NPAS3: variants seen among roughly 807,000 people sequenced by gnomAD.
The protein encoded by NPAS3 is neuronal PAS domain protein 3.
Under a neutral mutation model 73.1 loss-of-function variants are expected in NPAS3, and 14 were observed. The observed-to-expected ratio is 0.19, with a 90% CI of 0.13 to 0.30. The LOEUF (loss-of-function observed/expected upper bound fraction) is 0.30, where lower values mean the gene tolerates loss of function less well. Ranked by LOEUF, NPAS3 falls within the 10% of genes least tolerant of loss-of-function variation. The pLI, the probability that NPAS3 is intolerant of heterozygous loss-of-function variation, is 1.00. For synonymous variants in NPAS3, 620 were observed against 541.5 expected, an observed-to-expected ratio of 1.14 and a Z score of -2.01; for missense variants, 1,096 against 1,250.0, an observed-to-expected ratio of 0.88 and a Z score of 1.86.
chr14:33,702,879 A>G (rs1308856006), intron 6 of NPAS3, among the ~76,000 whole-genome samples: 1 of 152,200 alleles, frequency 6.6e-6, no homozygotes, highest in African/African-American at 2.4e-5. Context: ...CTTTGAAAAT[A>G]AGCCCTAGGT....
At chr14:33,418,903 A>T (rs951540941) in intron 4 of NPAS3, among the ~76,000 whole-genome samples, 1 of 151,852 alleles carries the variant, frequency 6.6e-6, no homozygotes, top group Non-Finnish European at 1.5e-5. Context: ...GTTAACAGTT[A>T]TTTTACTACT....
chr14:33,659,610 G>C (rs1334940617), intron 5 of NPAS3, among the ~76,000 whole-genome samples: 1 of 152,090 alleles, frequency 6.6e-6, no homozygotes, highest in African/African-American at 2.4e-5. Context: ...TAGAACAAGA[G>C]ACTTAATAAT....
At chr14:33,350,273 G>A (rs2044970929) in intron 3 of NPAS3, among the ~76,000 whole-genome samples, 1 of 152,154 alleles carries the variant, frequency 6.6e-6, no homozygotes, top group South Asian at 2.1e-4. Context: ...GTAAGACCAG[G>A]CAGAGGGAAA....
intron 5 of NPAS3, among the ~76,000 whole-genome samples, chr14:33,577,384 G>C (rs770786386): frequency 6.6e-6 from 1 of 151,996 alleles, no homozygotes; most frequent in African/African-American, 2.4e-5. Context: ...TATTTTTCAC[G>C]TTTGTTTTAT....
At chr14:33,786,025 G>C (rs1439660609) in intron 9 of NPAS3, among the ~76,000 whole-genome samples, 1 of 152,156 alleles carries the variant, frequency 6.6e-6, no homozygotes, top group Admixed American at 6.5e-5. Context: ...AGCCTCTTGT[G>C]TCTCATAGTC....
intron 6 of NPAS3, among the ~76,000 whole-genome samples, chr14:33,717,225 A>T: frequency 8.0e-6 from 1 of 125,202 alleles, no homozygotes. Flanking sequence ...CCATCTGATC[A>T]TGGCCAAAAA....
At chr14:32,972,521 C>A (rs2037479007) in intron 1 of NPAS3, among the ~76,000 whole-genome samples, 1 of 152,150 alleles carries the variant, frequency 6.6e-6, no homozygotes, top group South Asian at 2.1e-4. Context: ...AACTAAATTC[C>A]TTGAAATCAC....
At chr14:33,049,410 T>C (rs904682384) in intron 1 of NPAS3, among the ~76,000 whole-genome samples, 1 of 152,214 alleles carries the variant, frequency 6.6e-6, no homozygotes, top group African/African-American at 2.4e-5. Context: ...GGAGGTTTAA[T>C]GGAGAACTCA....
chr14:33,203,718 G>A (rs1052353637), intron 2 of NPAS3, among the ~76,000 whole-genome samples: 1 of 152,084 alleles, frequency 6.6e-6, no homozygotes, highest in Non-Finnish European at 1.5e-5. Context: ...AATCCATTCT[G>A]TCATTGTTGG....
chr14:33,393,201 A>G (rs547654659), intron 4 of NPAS3, among the ~76,000 whole-genome samples: 7 of 152,306 alleles, frequency 4.6e-5, no homozygotes, highest in Admixed American at 3.3e-4. Flanking sequence ...GCTTGTATCA[A>G]GAGATTTACT....
At chr14:33,465,901 G>C (rs1264698651) in intron 4 of NPAS3, among the ~76,000 whole-genome samples, 2 of 151,972 alleles carry the variant, frequency 1.3e-5, no homozygotes, top group African/African-American at 4.8e-5. Flanking sequence ...ATATATAATA[G>C]ATAATAAAAT....
intron 3 of NPAS3, among the ~76,000 whole-genome samples, chr14:33,247,320 T>G (rs2048428450): frequency 5.9e-5 from 9 of 152,228 alleles, no homozygotes; most frequent in Admixed American, 5.9e-4. Context: ...AGCTAAGCCT[T>G]TCAGTACCTC....
chr14:33,625,607 T>C (rs1369933810), intron 5 of NPAS3, among the ~76,000 whole-genome samples: 1 of 152,200 alleles, frequency 6.6e-6, no homozygotes, highest in Non-Finnish European at 1.5e-5. Flanking sequence ...TGTTTCTATC[T>C]GACATTATTC....
At chr14:33,047,841 C>T (rs2040563051) in intron 1 of NPAS3, among the ~76,000 whole-genome samples, 3 of 152,276 alleles carry the variant, frequency 2.0e-5, no homozygotes, top group South Asian at 2.1e-4. Flanking sequence ...TCAGTTTTCT[C>T]AGTGGAAGGA....
chr14:33,667,639 C>T (rs561864592), intron 5 of NPAS3, among the ~76,000 whole-genome samples: 35 of 152,176 alleles, frequency 2.3e-4, no homozygotes, highest in Non-Finnish European at 5.9e-5. Context: ...AACCTCAAAC[C>T]CTACCACAGT....
At chr14:33,043,639 C>T (rs779340484) in intron 1 of NPAS3, among the ~76,000 whole-genome samples, 12 of 152,064 alleles carry the variant, frequency 7.9e-5, no homozygotes, top group Non-Finnish European at 1.6e-4. Flanking sequence ...ACCTTTCTTC[C>T]TAAGACAGAA....
chr14:33,771,032 A>G (rs934599731), intron 7 of NPAS3, among the ~76,000 whole-genome samples: 37 of 152,246 alleles, frequency 2.4e-4, no homozygotes, highest in Non-Finnish European at 4.1e-4. Context: ...TTGTGCGGCT[A>G]TTAAGTGCCA....
At chr14:33,227,394 A>G (rs960404023) in intron 3 of NPAS3, among the ~76,000 whole-genome samples, 1 of 152,158 alleles carries the variant, frequency 6.6e-6, no homozygotes, top group Non-Finnish European at 1.5e-5. Context: ...GAGATTAGAA[A>G]AGGGGACTCT....
At chr14:33,127,292 C>G (rs1360954867) in intron 2 of NPAS3, among the ~76,000 whole-genome samples, 2 of 151,976 alleles carry the variant, frequency 1.3e-5, no homozygotes, top group Non-Finnish European at 2.9e-5. Flanking sequence ...AAGGACCTCC[C>G]TTTTTTGAGT....
Sources: gnomAD v4.1 joint callset for allele counts (sites outside exome capture counted in the v4.1 genomes callset) on GRCh38, gnomAD v4.1.1 for gene constraint, MANE v1.5 for transcripts, NCBI Gene and HGNC (gene_info 2026-07-23, HGNC 2026-07-21) for gene names.